AOAH: variants seen among roughly 807,000 people sequenced by gnomAD.
The protein encoded by AOAH is acyloxyacyl hydrolase, also known as acyloxyacyl hydrolase (neutrophil).
AOAH carries 64 observed loss-of-function variants against 92.2 expected under a neutral mutation model. That is an observed-to-expected ratio of 0.69 (90% CI 0.57 to 0.86). The LOEUF (loss-of-function observed/expected upper bound fraction) is 0.86. Among genes scored for constraint, AOAH ranks in the 40% least tolerant of loss-of-function variants. The pLI is 0.00. For missense variants in AOAH, 656 were observed against 694.6 expected (o/e 0.94, Z 0.62); for synonymous variants, 263 against 254.5 (o/e 1.03, Z -0.32).
At chr7:36,525,166 T>C (rs1446406716) in intron 19 of AOAH, among the ~76,000 whole-genome samples, 1 of 152,146 alleles carries the variant, frequency 6.6e-6, no homozygotes, top group African/African-American at 2.4e-5. Flanking sequence ...ACTTTCTGAC[T>C]CTCCATGTTT....
At chr7:36,647,685 A>G (rs1794305458) in intron 4 of AOAH, among the ~76,000 whole-genome samples, 1 of 152,232 alleles carries the variant, frequency 6.6e-6, no homozygotes, top group Non-Finnish European at 1.5e-5. Context: ...GTTTAAGTAG[A>G]CAAATTATAC....
intron 16 of AOAH, among the ~76,000 whole-genome samples, chr7:36,532,928 G>A (rs1784785931): frequency 6.6e-6 from 1 of 152,132 alleles, no homozygotes; most frequent in Non-Finnish European, 1.5e-5. Flanking sequence ...TTGGCCCATG[G>A]GATGGGGAGG....
chr7:36,719,413 C>T (rs1359013957), intron 1 of AOAH, among the ~76,000 whole-genome samples: 2 of 152,044 alleles, frequency 1.3e-5, no homozygotes, highest in Admixed American at 1.3e-4. Context: ...GAGTAAGAAG[C>T]AAATTTGATT....
chr7:36,634,829 A>ATAAT (rs1404589407), intron 5 of AOAH, among the ~76,000 whole-genome samples: 5 of 152,250 alleles, frequency 3.3e-5, no homozygotes, highest in Non-Finnish European at 7.3e-5. Context: ...GAACAGTTTT[A>ATAAT]TAATTACTAG....
intron 13 of AOAH, chr7:36,550,007 A>G (rs965179333): frequency 6.5e-6 from 1 of 153,596 alleles, no homozygotes; most frequent in Non-Finnish European, 1.4e-5. Flanking sequence ...TCTTGTAATG[A>G]TATGCATGAC....
intron 1 of AOAH, among the ~76,000 whole-genome samples, chr7:36,710,034 T>C (rs927470889): frequency 7.9e-5 from 12 of 152,188 alleles, no homozygotes; most frequent in Admixed American, 2.0e-4. Flanking sequence ...AAGGCTCTTT[T>C]TGGTCTTTTA....
At chr7:36,536,450 C>T (rs759317809) in intron 16 of AOAH, among the ~76,000 whole-genome samples, 1 of 152,004 alleles carries the variant, frequency 6.6e-6, no homozygotes, top group Non-Finnish European at 1.5e-5. Context: ...ACTTGAGTGT[C>T]CAGCTGCTGA....
intron 15 of AOAH, among the ~76,000 whole-genome samples, chr7:36,543,621 G>A (rs1163757381): frequency 8.0e-6 from 1 of 124,530 alleles, no homozygotes; most frequent in Non-Finnish European, 1.8e-5. Context: ...GATGCTAAAC[G>A]AAGAATCTGA....
intron 3 of AOAH, among the ~76,000 whole-genome samples, chr7:36,671,056 G>A (rs913326068): frequency 5.3e-5 from 8 of 152,090 alleles, no homozygotes; most frequent in African/African-American, 1.9e-4. Context: ...TTTGAGTTCT[G>A]GGACTTTTCA....
At chr7:36,585,791 A>G (rs1021121389) in intron 12 of AOAH, among the ~76,000 whole-genome samples, 1 of 152,224 alleles carries the variant, frequency 6.6e-6, no homozygotes, top group African/African-American at 2.4e-5. Flanking sequence ...CCTGGATGGA[A>G]TCACACTAAA....
chr7:36,689,133 C>G (rs10227528), intron 1 of AOAH, among the ~76,000 whole-genome samples: 8 of 152,014 alleles, frequency 5.3e-5, no homozygotes, highest in Non-Finnish European at 8.8e-5. Context: ...GTCATCTCAC[C>G]CAAGTTGCTT....
At chr7:36,603,567 T>C (rs1489677860) in intron 11 of AOAH, among the ~76,000 whole-genome samples, 2 of 152,196 alleles carry the variant, frequency 1.3e-5, no homozygotes, top group East Asian at 3.8e-4. Flanking sequence ...TGTAAAGGAA[T>C]AGACAGTAAA....
At chr7:36,560,006 C>G (rs568525737) in intron 13 of AOAH, among the ~76,000 whole-genome samples, 3 of 152,076 alleles carry the variant, frequency 2.0e-5, no homozygotes, top group Admixed American at 6.6e-5. Flanking sequence ...TCCCTATTGC[C>G]AATTTTTGTT....
chr7:36,617,671 A>G (rs564146784), intron 10 of AOAH, among the ~76,000 whole-genome samples: 2 of 152,388 alleles, frequency 1.3e-5, no homozygotes, highest in Admixed American at 1.3e-4. Flanking sequence ...TGATGTTACC[A>G]TCAAGTGTTG....
intron 1 of AOAH, among the ~76,000 whole-genome samples, chr7:36,702,050 A>T (rs982755582): frequency 1.3e-5 from 2 of 152,034 alleles, no homozygotes; most frequent in African/African-American, 4.8e-5. Flanking sequence ...CTTTGCTCTA[A>T]TATTGCTCCA....
chr7:36,548,786 C>T (rs1785979660), intron 14 of AOAH, 100 bp from the exon 15 acceptor site: 1 of 1,025,598 alleles, frequency 9.8e-7, no homozygotes, highest in African/African-American at 1.7e-5. Flanking sequence ...TTGGTATGAC[C>T]ACCCTCTTGG....
At chr7:36,541,667 A>G (rs563824502) in intron 15 of AOAH, among the ~76,000 whole-genome samples, 74 of 152,384 alleles carry the variant, frequency 4.9e-4, no homozygotes, top group African/African-American at 1.8e-3. Flanking sequence ...TATCCATGCA[A>G]TGAACTGGCA....
At chr7:36,549,891 G>A (rs1328435887) in intron 13 of AOAH, among the ~76,000 whole-genome samples, 2 of 152,284 alleles carry the variant, frequency 1.3e-5, no homozygotes, top group Middle Eastern at 3.4e-3. Context: ...CCACCTCCTT[G>A]GAGAGCCCCA....
At chr7:36,635,798 C>T (rs932683483) in intron 5 of AOAH, among the ~76,000 whole-genome samples, 2 of 152,130 alleles carry the variant, frequency 1.3e-5, no homozygotes, top group Non-Finnish European at 2.9e-5. Flanking sequence ...GGGGTGAGCA[C>T]ATAACTTAAC....
Sources: gnomAD v4.1 joint callset for allele counts (sites outside exome capture counted in the v4.1 genomes callset) on GRCh38, gnomAD v4.1.1 for gene constraint, MANE v1.5 for transcripts, NCBI Gene and HGNC (gene_info 2026-07-23, HGNC 2026-07-21) for gene names.